The following DDHD1 variants were observed in gnomAD, a reference collection of about 807,000 sequenced individuals.
The protein encoded by DDHD1 is phospholipase DDHD1.
Under a neutral mutation model 96.4 loss-of-function variants are expected in DDHD1, and 49 were observed. That is an observed-to-expected ratio of 0.51 (90% CI 0.40 to 0.64). The LOEUF (loss-of-function observed/expected upper bound fraction) is 0.64, where lower values mean the gene tolerates loss of function less well. DDHD1 is among the 30% of genes least tolerant of loss of function. The pLI is 0.00. For missense variants in DDHD1, 1,106 were observed against 1,161.2 expected (o/e 0.95, Z 0.69); for synonymous variants, 442 against 446.5 (o/e 0.99, Z 0.13).
At chr14:53,076,773 G>C (rs765623469) in intron 4 of DDHD1, among the ~76,000 whole-genome samples, 1 of 152,148 alleles carries the variant, frequency 6.6e-6, no homozygotes, top group Non-Finnish European at 1.5e-5. Context: ...CAACATGGAC[G>C]CAAGACCCTT....
At chr14:53,115,110 G>A (rs530113411) in intron 1 of DDHD1, among the ~76,000 whole-genome samples, 1 of 152,148 alleles carries the variant, frequency 6.6e-6, no homozygotes, top group East Asian at 1.9e-4. Context: ...TCGATCAAGT[G>A]GAAGAAAGGA....
chr14:53,152,888 T>C lies in DDHD1; in HGVS notation c.211A>G (p.Thr71Ala). 1 of 1,609,304 alleles carries C rather than the reference T, an allele frequency of 6.2e-7. No homozygotes were observed. Among genetic ancestry groups the C allele is most frequent in the Non-Finnish European group, 8.5e-7 (1 of 1,178,170 alleles). Reference sequence around the variant, plus strand: ...GCGAGGTGGTGGTTGTGGTCGTCGGTGCCCGGCGCCAAATGCAGCCCGGGT... The same window carrying C: ...GCGAGGTGGTGGTTGTGGTCGTCGGCGCCCGGCGCCAAATGCAGCCCGGGT... ...GEPGLHLAPG[T>A]DDHNHHLALD... Residue 71 changes from threonine (T) to alanine (A), a missense_variant, in exon 1 of 13, where the codon ACC (threonine) becomes GCC (alanine). By Grantham distance (58) the Thr-to-Ala change is moderately conservative (BLOSUM62 0). Transcript: ENST00000673822.
intron 2 of DDHD1, among the ~76,000 whole-genome samples, chr14:53,098,013 G>A (rs1887017265): frequency 6.6e-6 from 1 of 151,926 alleles, no homozygotes. Flanking sequence ...AGCATACAGA[G>A]CTTAACTTTT....
At chr14:53,090,909 C>G (rs185880802) in intron 4 of DDHD1, among the ~76,000 whole-genome samples, 227 of 151,806 alleles carry the variant, frequency 1.5e-3, no homozygotes, top group Non-Finnish European at 2.0e-3. Flanking sequence ...AACTTTAATC[C>G]GTTAGCTGGC....
At chr14:53,132,552 ACTGT>A (rs1300197344) in intron 1 of DDHD1, among the ~76,000 whole-genome samples, 2 of 152,118 alleles carry the variant, frequency 1.3e-5, no homozygotes, top group East Asian at 3.8e-4. Context: ...AGCCGAACTC[ACTGT>A]CTTAACTCAG....
chr14:53,086,003 T>C lies in DDHD1; in HGVS notation c.1289+5782A>G, dbSNP rs146009647. On this transcript the variant is annotated intron_variant, in intron 4 of 12. Coordinates refer to ENST00000673822, the MANE Select transcript of DDHD1 (RefSeq NM_001160148.2). ...CATGACACGAGAACTACGTGACACA[T>C]GCACAAGCTTCGGTAGCTGATTTGA... Among the ~76,000 whole-genome samples the C allele has an allele frequency of 2.6e-5, 4 of 152,264 alleles. No homozygotes were observed. In the East Asian group the frequency reaches 7.7e-4, roughly 29 times the overall value.
intron 1 of DDHD1, among the ~76,000 whole-genome samples, chr14:53,116,024 G>A (rs987462749): frequency 2.0e-5 from 3 of 152,140 alleles, no homozygotes; most frequent in Non-Finnish European, 4.4e-5. Flanking sequence ...TAAAGGGATG[G>A]AGGAACATTT....
chr14:53,133,982 G>A (rs1284698146), intron 1 of DDHD1, among the ~76,000 whole-genome samples: 4 of 152,214 alleles, frequency 2.6e-5, no homozygotes, highest in East Asian at 1.9e-4. Flanking sequence ...TGTGTCCATC[G>A]GACAGCCAGC....
rs752038275 is a variant in DDHD1 at position 53,152,376 on chromosome 14, C to G, written c.723G>C (p.Thr241=). 2 of 1,613,860 alleles carry G rather than the reference C, an allele frequency of 1.2e-6. No homozygotes were observed. Among genetic ancestry groups the G allele is most frequent in the Non-Finnish European group, 1.7e-6 (2 of 1,179,972 alleles). Residue 241 remains threonine, a synonymous_variant, in exon 1 of 13, where the codon ACG becomes ACC. Transcript: ENST00000673822. ...CCACCATCTCCGGCTCGTGCCCCGT[C>G]GTACTCTGGCAGAAGCCGCAGGCGC... ...EDRACGFCQS[T]TGHEPEMVEL... is the part of the protein sequence containing the mutation.
rs1881374013 is a variant in DDHD1 at position 53,037,854 on chromosome 14, G to C, written c.*8914C>G. 6.6e-6 allele frequency: 1 copy of C among 152,136 alleles called. No individual in the cohort carries two copies. The highest frequency in any genetic ancestry group is 2.4e-5 in the African/African-American group (1 of 41,438). 9.4% of individuals were successfully genotyped at this position (152,136 alleles called of 1,614,324 possible). On this transcript the variant is annotated 3_prime_UTR_variant, in exon 13 of 13. Coordinates refer to ENST00000673822, the MANE Select transcript of DDHD1 (RefSeq NM_001160148.2). Reference sequence around the variant, plus strand: ...TAGGTTTTCTTCTAGGATTTTTACAGTTTGAGGTCTTACATTTAAATCTTT... The same window carrying C: ...TAGGTTTTCTTCTAGGATTTTTACACTTTGAGGTCTTACATTTAAATCTTT...
In DDHD1 at chr14:53,061,157, G is replaced by A; in HGVS notation, c.1811C>T (p.Ser604Phe). ...TTTTAAGGCAGGTGTTTGTGTCATA[G>A]ATGATGCTTTCAATCCGTGAAGCCG... ...EERLHGLKASSMTQTPALKFK... is the reference protein window; with the variant it reads ...EERLHGLKASFMTQTPALKFK... Residue 604 changes from serine to phenylalanine, a missense_variant, in exon 8 of 13, where the codon TCT (serine) becomes TTT (phenylalanine). Around this residue, in one of 2 missense-constraint regions of DDHD1, gnomAD observed 650 missense variants for 758.8 expected, o/e 0.86. Transcript: ENST00000673822. The A allele has an allele frequency of 1.2e-6, 2 of 1,611,596 alleles. No individual in the cohort carries two copies. Among genetic ancestry groups the A allele is most frequent in the Non-Finnish European group, 1.7e-6 (2 of 1,179,268 alleles).
chr14:53,077,683 A>ATTT (rs1566543441), intron 4 of DDHD1, among the ~76,000 whole-genome samples: 2 of 149,286 alleles, frequency 1.3e-5, no homozygotes, highest in African/African-American at 5.0e-5. Flanking sequence ...TTTTTTTTTA[A>ATTT]AAAACAATTG....
chr14:53,079,316 T>C (rs1885245926), intron 4 of DDHD1, among the ~76,000 whole-genome samples: 1 of 152,128 alleles, frequency 6.6e-6, no homozygotes. Flanking sequence ...ACACAGGATC[T>C]TACTATGTGG....
intron 6 of DDHD1, among the ~76,000 whole-genome samples, chr14:53,066,921 C>A (rs971363661): frequency 6.8e-6 from 1 of 146,110 alleles, no homozygotes; most frequent in African/African-American, 2.5e-5. Context: ...GAGCTGAGAT[C>A]GTACCACTGC....
chr14:53,076,934 C>G (rs1045568928), intron 4 of DDHD1, among the ~76,000 whole-genome samples: 3 of 152,122 alleles, frequency 2.0e-5, no homozygotes, highest in Non-Finnish European at 4.4e-5. Context: ...GTAAACATAA[C>G]TTTTATATGC....
chr14:53,050,449 ATGAT>A (rs749934185), intron 12 of DDHD1, among the ~76,000 whole-genome samples: 2 of 152,078 alleles, frequency 1.3e-5, no homozygotes, highest in Non-Finnish European at 2.9e-5. Context: ...CTTTGTATGA[ATGAT>A]TGAGACCTTT....
At chr14:53,142,033 T>C (rs1335455062) in intron 1 of DDHD1, among the ~76,000 whole-genome samples, 1 of 152,196 alleles carries the variant, frequency 6.6e-6, no homozygotes, top group Non-Finnish European at 1.5e-5. Flanking sequence ...GCATTCTGCA[T>C]ATATGTACTT....
At chr14:53,099,825 C>T (rs1887166015) in intron 2 of DDHD1, among the ~76,000 whole-genome samples, 1 of 152,126 alleles carries the variant, frequency 6.6e-6, no homozygotes, top group African/African-American at 2.4e-5. Context: ...TTTTAACTCT[C>T]ACAGAGAACT....
At position 53,152,555 on chromosome 14, in the gene DDHD1, A is replaced by G. The variant is rs1566615183; in HGVS notation, c.544T>C (p.Phe182Leu). ...ATGCGGAGCGAGTCGTAGCCGATGAAGGGCTTCCAGGTCTTCTTGTCCTCC... is the reference window on the plus strand; with the variant it reads ...ATGCGGAGCGAGTCGTAGCCGATGAGGGGCTTCCAGGTCTTCTTGTCCTCC... ...YKEDKKTWKP[F>L]IGYDSLRIEL... Residue 182 changes from phenylalanine (F) to leucine (L), a missense_variant, in exon 1 of 13, where the codon TTC becomes CTC. Physicochemically the swap from Phe to Leu is conservative, Grantham distance 22. Transcript: ENST00000673822. The G allele has an allele frequency of 6.2e-7, 1 of 1,613,888 alleles. No homozygotes were observed. Among genetic ancestry groups the G allele is most frequent in the Admixed American group, 1.7e-5 (1 of 60,030 alleles).
Sources: allele counts gnomAD v4.1 joint callset (sites outside exome capture counted in the v4.1 genomes callset), GRCh38; gene constraint gnomAD v4.1.1; regional missense constraint gnomAD v4.1.1; transcripts MANE v1.5; gene names NCBI Gene and HGNC (gene_info 2026-07-23, HGNC 2026-07-21).